The following UBXN7 variants were observed in gnomAD, a reference collection of about 807,000 sequenced individuals.
UBXN7 encodes the protein UBX domain-containing protein 7.
A neutral mutation model predicts 58.0 loss-of-function variants in UBXN7; 9 were observed. That is an observed-to-expected ratio of 0.16 (90% confidence interval 0.09 to 0.27). The LOEUF (loss-of-function observed/expected upper bound fraction) is 0.27, where lower values mean the gene tolerates loss of function less well. Among genes scored for constraint, UBXN7 ranks in the 10% least tolerant of loss-of-function variants. UBXN7 has a pLI of 1.00. For missense variants in UBXN7, 328 were observed against 599.6 expected, an observed-to-expected ratio of 0.55 and a Z score of 4.73; for synonymous variants, 208 against 205.0, an observed-to-expected ratio of 1.01 and a Z score of -0.12.
At chr3:196,410,912 C>T (rs1730304872) in intron 1 of UBXN7, among the ~76,000 whole-genome samples, 2 of 152,114 alleles carry the variant, frequency 1.3e-5, no homozygotes, top group Admixed American at 1.3e-4. Flanking sequence ...TGTGATCAGG[C>T]CTCAGCTTAT....
intron 5 of UBXN7, among the ~76,000 whole-genome samples, chr3:196,374,442 T>C (rs189182565): frequency 1.3e-5 from 2 of 152,166 alleles, no homozygotes; most frequent in East Asian, 1.9e-4. Flanking sequence ...AAGCTTCCAA[T>C]GGGGGAGAAA....
chr3:196,425,953 CT>C (rs1222109909), intron 1 of UBXN7, among the ~76,000 whole-genome samples: 1 of 152,160 alleles, frequency 6.6e-6, no homozygotes, highest in African/African-American at 2.4e-5. Flanking sequence ...AACCTTTAAG[CT>C]TTCTGAGGAC....
At chr3:196,432,001 G>A (rs1731075242) in intron 1 of UBXN7, 2 of 507,578 alleles carry the variant, frequency 3.9e-6, no homozygotes. Context: ...CCCGGGTGCG[G>A]CCCCCTACTC....
rs563347775 is a variant in UBXN7, at chr3:196,351,866, G to C, written c.*4819C>G. 1.3e-5 allele frequency: 2 copies of C among 152,222 alleles called. No homozygotes were observed. The highest frequency in any genetic ancestry group is 2.9e-5 in the Non-Finnish European group (2 of 68,024). The allele number at this position is 152,222 out of a possible 1,614,324, so 9.4% of individuals were successfully genotyped here. A position where few individuals can be genotyped will look rare whatever the true frequency, so the allele number is the denominator to read the frequency against. On this transcript the variant is annotated 3_prime_UTR_variant, in exon 11 of 11. Coordinates refer to ENST00000296328, the MANE Select transcript of UBXN7 (RefSeq NM_015562.2). ...TTTCGGTTGCTAGTGGCTCCCTCTG[G>C]TATTTTCCCTAAGTGTGCAAGTAAG...
At chr3:196,413,145 C>T (rs907292653) in intron 1 of UBXN7, among the ~76,000 whole-genome samples, 10 of 152,070 alleles carry the variant, frequency 6.6e-5, no homozygotes, top group African/African-American at 2.4e-4. Flanking sequence ...AGAGACCAGC[C>T]TGGCCAACAT....
chr3:196,401,298 T>TACACACAC (rs71630187), intron 3 of UBXN7, among the ~76,000 whole-genome samples: 31 of 61,682 alleles, frequency 5.0e-4, no homozygotes, highest in African/African-American at 7.8e-4. Context: ...TATATATATA[T>TACACACAC]ACACACACAC....
chr3:196,401,861 A>AG (rs1560235910), intron 3 of UBXN7, among the ~76,000 whole-genome samples: 5 of 150,912 alleles, frequency 3.3e-5, no homozygotes, highest in East Asian at 1.9e-4. Flanking sequence ...AGAAGAGAAG[A>AG]AAAACTACCT....
chr3:196,428,331 G>A (rs1411445435), intron 1 of UBXN7, among the ~76,000 whole-genome samples: 9 of 151,798 alleles, frequency 5.9e-5, no homozygotes, highest in Non-Finnish European at 5.9e-5. Flanking sequence ...GCACATGCCT[G>A]TAGTCTTAAC....
At chr3:196,389,713 T>C (rs1041391766) in intron 5 of UBXN7, among the ~76,000 whole-genome samples, 1 of 152,216 alleles carries the variant, frequency 6.6e-6, no homozygotes, top group Non-Finnish European at 1.5e-5. Context: ...ATACAGCCTG[T>C]AGAAACGTTG....
chr3:196,382,830 G>A lies in UBXN7; in HGVS notation c.468+8983C>T, dbSNP rs113587189. The stretch of plus-strand genomic sequence containing the variant: ...AAATGGAAAGCAAAAAAAATGCAGG[G>A]GTTGGCCGGGCACAATGGCTCATGC... On this transcript the variant is annotated intron_variant, in intron 5 of 10. Coordinates refer to ENST00000296328, the MANE Select transcript of UBXN7 (RefSeq NM_015562.2). 4.3e-3 allele frequency among the ~76,000 whole-genome samples: 648 copies of A among 152,176 alleles called. 6 individuals are homozygous for A. Among genetic ancestry groups the A allele is most frequent in the African/African-American group, 0.015 (611 of 41,518 alleles).
intron 1 of UBXN7, among the ~76,000 whole-genome samples, chr3:196,417,184 G>A (rs1560242315): frequency 6.6e-6 from 1 of 152,124 alleles, no homozygotes; most frequent in Non-Finnish European, 1.5e-5. Flanking sequence ...GTGGTGGCGG[G>A]CGCTTGTAGT....
intron 7 of UBXN7, among the ~76,000 whole-genome samples, chr3:196,369,025 C>T (rs1728747589): frequency 6.6e-6 from 1 of 152,020 alleles, no homozygotes; most frequent in Admixed American, 6.6e-5. Context: ...GGGGTTTCAC[C>T]GTGTTAGCCA....
intron 5 of UBXN7, among the ~76,000 whole-genome samples, chr3:196,385,376 C>T (rs1429387805): frequency 6.6e-6 from 1 of 152,192 alleles, no homozygotes; most frequent in Non-Finnish European, 1.5e-5. Context: ...CAGCCGCCTG[C>T]CTTGGCCTCC....
chr3:196,375,856 C>A (rs1351609732), intron 5 of UBXN7, among the ~76,000 whole-genome samples: 1 of 152,108 alleles, frequency 6.6e-6, no homozygotes, highest in African/African-American at 2.4e-5. Flanking sequence ...TGGCGAAACC[C>A]CATCTCTACT....
rs764326347 is a variant in UBXN7 at position 196,412,520 on chromosome 3, G to A, written c.74-5127C>T. 8.0e-4 allele frequency among the ~76,000 whole-genome samples: 122 copies of A among 152,092 alleles called. 4 individuals are homozygous for A. Among genetic ancestry groups the A allele is most frequent in the Non-Finnish European group, 2.8e-4 (19 of 68,022 alleles). ...TGGTACAACGAGGGTGGAAAACTAT[G>A]GAGATTCCTCAAAAAGCTAACAACA... On this transcript the variant is annotated intron_variant, in intron 1 of 10. Coordinates refer to ENST00000296328, the MANE Select transcript of UBXN7 (RefSeq NM_015562.2).
intron 3 of UBXN7, among the ~76,000 whole-genome samples, chr3:196,401,139 T>C (rs1729948480): frequency 6.8e-6 from 1 of 147,880 alleles, no homozygotes. Context: ...CGGCCGGGTA[T>C]GGTGGCTCAT....
At chr3:196,384,496 A>G (rs1187352418) in intron 5 of UBXN7, among the ~76,000 whole-genome samples, 1 of 152,224 alleles carries the variant, frequency 6.6e-6, no homozygotes. Context: ...AGACACAACA[A>G]AAAAGGAGAA....
intron 1 of UBXN7, among the ~76,000 whole-genome samples, chr3:196,409,329 CA>C (rs1434139926): frequency 1.3e-5 from 2 of 151,950 alleles, no homozygotes; most frequent in Non-Finnish European, 2.9e-5. Flanking sequence ...CATATTAACC[CA>C]ACTTATTGGA....
At chr3:196,363,201 C>CACATACAT (rs558530730) in intron 8 of UBXN7, among the ~76,000 whole-genome samples, 17 of 139,338 alleles carry the variant, frequency 1.2e-4, no homozygotes, top group East Asian at 2.3e-4. Flanking sequence ...CCGCACCTGG[C>CACATACAT]ACATACATAC....
Sources: allele counts gnomAD v4.1 joint callset (sites outside exome capture counted in the v4.1 genomes callset), GRCh38; gene constraint gnomAD v4.1.1; transcripts MANE v1.5; gene names NCBI Gene and HGNC (gene_info 2026-07-23, HGNC 2026-07-21).